Variants in UGT1A8 observed in about 807,000 individuals in gnomAD.
UGT1A8 encodes UDP glucuronosyltransferase family 1 member A8.
Under a neutral mutation model 45.3 loss-of-function variants are expected in UGT1A8, and 39 were observed. That is an observed-to-expected ratio of 0.86 (90% CI 0.67 to 1.12). The LOEUF (loss-of-function observed/expected upper bound fraction) is 1.12, where lower values mean the gene tolerates loss of function less well. UGT1A8 is among the 50% of genes most tolerant of loss of function. The probability of loss-of-function intolerance (pLI) is 0.00; values close to 1 mark genes in which losing one functional copy is unlikely to be tolerated. For missense variants in UGT1A8, 719 were observed against 664.9 expected, an observed-to-expected ratio of 1.08 and a Z score of -0.90; for synonymous variants, 275 against 249.2, an observed-to-expected ratio of 1.10 and a Z score of -0.97.
intron 1 of UGT1A8, among the ~76,000 whole-genome samples, chr2:233,702,928 C>G (rs2075715316): frequency 6.6e-6 from 1 of 152,064 alleles, no homozygotes; most frequent in South Asian, 2.1e-4. Context: ...TCTTGCGGAG[C>G]CTTGGTCTGT....
chr2:233,682,321 T>C (rs1271026452), intron 1 of UGT1A8: 1 of 1,614,074 alleles, frequency 6.2e-7, no homozygotes, highest in Non-Finnish European at 8.5e-7. Flanking sequence ...GGAGTTTGTT[T>C]AATGACCGAA....
rs1350513061 is a variant in UGT1A8 at position 233,674,678 on chromosome 2, T to C, written c.855+56116T>C. On this transcript the variant is annotated intron_variant, in intron 1 of 4. Coordinates refer to ENST00000373450, the MANE Select transcript of UGT1A8 (RefSeq NM_019076.5). ...ATGAGATATGAAATAAATGTGTTTA[T>C]GTGTCTATTAAAGAATATGGATGTA... is the stretch of plus-strand genomic sequence containing the variant. 3.9e-5 allele frequency among the ~76,000 whole-genome samples: 6 copies of C among 152,228 alleles called. No individual in the cohort carries two copies. The East Asian group carries it at 9.6e-4, about 24-fold the overall frequency.
chr2:233,656,942 C>A (rs954192982), intron 1 of UGT1A8, among the ~76,000 whole-genome samples: 14 of 150,914 alleles, frequency 9.3e-5, no homozygotes, highest in Admixed American at 2.6e-4. Context: ...TTTTCCTTTC[C>A]TGTGAGTCTT....
At chr2:233,694,104 A>G (rs760831319) in intron 1 of UGT1A8, among the ~76,000 whole-genome samples, 1 of 152,150 alleles carries the variant, frequency 6.6e-6, no homozygotes, top group Non-Finnish European at 1.5e-5. Flanking sequence ...GCTTAGTTGG[A>G]TAATCTGGGA....
intron 1 of UGT1A8, among the ~76,000 whole-genome samples, chr2:233,709,057 T>C (rs949719159): frequency 1.3e-5 from 2 of 151,522 alleles, no homozygotes; most frequent in African/African-American, 2.4e-5. Flanking sequence ...CCAGGATTCC[T>C]AGTTAAAGTT....
intron 1 of UGT1A8, among the ~76,000 whole-genome samples, chr2:233,683,654 G>C (rs1360052208): frequency 6.6e-6 from 1 of 151,956 alleles, no homozygotes; most frequent in African/African-American, 2.4e-5. Flanking sequence ...CTTTATAAAA[G>C]TATTTCATCT....
At chr2:233,628,646 T>C (rs1445659731) in intron 1 of UGT1A8, among the ~76,000 whole-genome samples, 1 of 152,046 alleles carries the variant, frequency 6.6e-6, no homozygotes, top group African/African-American at 2.4e-5. Context: ...TGAAGAACAA[T>C]GTTGAGTAGA....
At chr2:233,660,837 G>A (rs2073948028) in intron 1 of UGT1A8, among the ~76,000 whole-genome samples, 1 of 152,120 alleles carries the variant, frequency 6.6e-6, no homozygotes, top group African/African-American at 2.4e-5. Context: ...TGGGGTCTGG[G>A]AAGTCACCTG....
rs148592578 is a variant in UGT1A8, at chr2:233,624,848, T to C, written c.855+6286T>C. Among the ~76,000 whole-genome samples the C allele has an allele frequency of 2.1e-3, 315 of 152,232 alleles. 2 individuals are homozygous for C. Among genetic ancestry groups the C allele is most frequent in the African/African-American group, 7.2e-3 (301 of 41,564 alleles). On this transcript the variant is annotated intron_variant, in intron 1 of 4. Coordinates refer to ENST00000373450, the MANE Select transcript of UGT1A8 (RefSeq NM_019076.5). ...GTTCTGTAGTTTTCAGTGTACAGTCTTTCATAATTTTTGTCAGATATATTC... is the reference window on the plus strand; with the variant it reads ...GTTCTGTAGTTTTCAGTGTACAGTCCTTCATAATTTTTGTCAGATATATTC...
intron 1 of UGT1A8, among the ~76,000 whole-genome samples, chr2:233,701,252 G>A (rs1473537336): frequency 6.6e-6 from 1 of 152,058 alleles, no homozygotes; most frequent in Non-Finnish European, 1.5e-5. Flanking sequence ...AGATGGCTGG[G>A]TCAAATGGTA....
At chr2:233,743,853 C>G (rs759074098) in intron 1 of UGT1A8, 129 of 1,367,160 alleles carry the variant, frequency 9.4e-5, no homozygotes, top group Non-Finnish European at 1.2e-4. Context: ...TTGCGGTACG[C>G]CTTCTTGATG....
intron 1 of UGT1A8, chr2:233,671,995 G>T (rs1222242952): frequency 6.2e-7 from 1 of 1,614,126 alleles, no homozygotes; most frequent in Non-Finnish European, 8.5e-7. Flanking sequence ...GCTGACCTGT[G>T]GCTTTGCCGA....
chr2:233,743,431 C>A lies in UGT1A8; in HGVS notation c.856-23603C>A, dbSNP rs755334550. 6 of 1,354,320 alleles carry A rather than the reference C, an allele frequency of 4.4e-6. No homozygotes were observed. In the East Asian group the frequency reaches 1.9e-4, roughly 42 times the overall value. The allele number at this position is 1,354,320 out of a possible 1,614,324, so 83.9% of individuals were successfully genotyped here. A position where few individuals can be genotyped will look rare whatever the true frequency, so the allele number is the denominator to read the frequency against. ...CCCACTTCCCAGGGAGCCAAAGGAA[C>A]GAAATCCTGTATCAAAAGAAGAAAA... On this transcript the variant is annotated intron_variant, in intron 1 of 4. Transcript: ENST00000373450.
chr2:233,735,217 A>G (rs1317592719), intron 1 of UGT1A8, among the ~76,000 whole-genome samples: 1 of 152,114 alleles, frequency 6.6e-6, no homozygotes, highest in African/African-American at 2.4e-5. Context: ...GTGCATATAT[A>G]TTTAGGATAG....
chr2:233,760,363 C>A lies in UGT1A8; in HGVS notation c.856-6671C>A, dbSNP rs1400895192. On this transcript the variant is annotated intron_variant, in intron 1 of 4. Transcript: ENST00000373450. ...GTGTGTGCTGGGCCCAGTGGTGTCC[C>A]ATGCTGGGAAGATACTGTTGATCCC... is the stretch of plus-strand genomic sequence containing the variant. 5.0e-6 allele frequency: 8 copies of A among 1,614,118 alleles called. No homozygotes were observed. In the East Asian group the frequency reaches 1.8e-4, roughly 36 times the overall value.
At chr2:233,663,737 A>C (rs561104004) in intron 1 of UGT1A8, among the ~76,000 whole-genome samples, 3 of 152,206 alleles carry the variant, frequency 2.0e-5, no homozygotes, top group Non-Finnish European at 4.4e-5. Context: ...AAGTTGGTTC[A>C]GTCTATGTCC....
intron 1 of UGT1A8, chr2:233,713,516 C>A: frequency 1.2e-6 from 2 of 1,613,934 alleles, no homozygotes; most frequent in Non-Finnish European, 1.7e-6. Context: ...TCTTGAGGAA[C>A]ATTCCATGTG....
chr2:233,768,597 T>C (rs1188549543), intron 4 of UGT1A8, among the ~76,000 whole-genome samples, 158 bp downstream of exon 4: 1 of 135,710 alleles, frequency 7.4e-6, no homozygotes, highest in Non-Finnish European at 1.6e-5. Context: ...TTTTTTTTTT[T>C]TTTTTTTGAG....
chr2:233,713,425 C>T (rs748267657), intron 1 of UGT1A8: 29 of 1,614,004 alleles, frequency 1.8e-5, no homozygotes, highest in Non-Finnish European at 2.4e-5. Context: ...CATGCTACTT[C>T]CTTTGATGTG....
Sources: gnomAD v4.1 joint callset for allele counts (sites outside exome capture counted in the v4.1 genomes callset) on GRCh38, gnomAD v4.1.1 for gene constraint, MANE v1.5 for transcripts, NCBI Gene and HGNC (gene_info 2026-07-23, HGNC 2026-07-21) for gene names.